TLN2: variants seen among roughly 807,000 people sequenced by gnomAD.
The protein encoded by TLN2 is talin-2.
Under a neutral mutation model 294.7 loss-of-function variants are expected in TLN2, and 118 were observed. The ratio of observed to expected loss-of-function variants is 0.40; its 90% confidence interval spans 0.34 to 0.47. The LOEUF (loss-of-function observed/expected upper bound fraction) is 0.47, where lower values mean the gene tolerates loss of function less well. Among genes scored for constraint, TLN2 ranks in the 20% least tolerant of loss-of-function variants. The probability of loss-of-function intolerance (pLI) is 0.84; values close to 1 mark genes in which losing one functional copy is unlikely to be tolerated. For missense variants in TLN2, 3,083 were observed against 3,282.2 expected (o/e 0.94, Z 1.48); for synonymous variants, 1,431 against 1,304.5 (o/e 1.10, Z -2.09).
At chr15:62,564,956 A>G (rs2043280704) in intron 1 of TLN2, among the ~76,000 whole-genome samples, 1 of 146,948 alleles carries the variant, frequency 6.8e-6, no homozygotes, top group Admixed American at 6.8e-5. Context: ...CATTCCCCCC[A>G]CTGACACACA....
At chr15:62,779,265 G>A (rs533684151) in intron 43 of TLN2, among the ~76,000 whole-genome samples, 20 of 152,206 alleles carry the variant, frequency 1.3e-4, no homozygotes, top group Admixed American at 1.0e-3. Context: ...AAGCTCTCGG[G>A]ACGTTGATTT....
At chr15:62,544,209 T>A (rs1399174049) in intron 1 of TLN2, among the ~76,000 whole-genome samples, 1 of 152,160 alleles carries the variant, frequency 6.6e-6, no homozygotes, top group Non-Finnish European at 1.5e-5. Flanking sequence ...CCAGACCTTT[T>A]AAAAAATATT....
chr15:62,722,623 GC>G, intron 26 of TLN2, 136 bp downstream of exon 26: 1 of 1,165,948 alleles, frequency 8.6e-7, no homozygotes, highest in Non-Finnish European at 1.1e-6. Flanking sequence ...TATTAAAGAT[GC>G]CCCTGTGGGT....
intron 1 of TLN2, among the ~76,000 whole-genome samples, chr15:62,562,590 G>T (rs533254829): frequency 3.3e-5 from 5 of 151,406 alleles, no homozygotes; most frequent in African/African-American, 1.2e-4. Context: ...GTGGTGTTTG[G>T]TTACATGAAT....
intron 1 of TLN2, among the ~76,000 whole-genome samples, chr15:62,497,676 C>T (rs921711836): frequency 2.0e-5 from 3 of 152,194 alleles, no homozygotes; most frequent in African/African-American, 7.2e-5. Flanking sequence ...ATGATTTTTT[C>T]TCCCTGAGGA....
rs748691122 is a variant in TLN2 at position 62,701,192 on chromosome 15, T to C, written c.1674T>C (p.Ala558=). 5 of 1,614,180 alleles carry C rather than the reference T, an allele frequency of 3.1e-6. No homozygotes were observed. The East Asian group carries it at 1.1e-4, about 36-fold the overall frequency. Residue 558 remains alanine, a synonymous_variant, in exon 17 of 59, where the codon GCT becomes GCC. Transcript: ENST00000636159. ...TTGATGCTATCACGGCCGGAACGGC[T>C]TCAGTTGTTAACCTCACAGCTGGTA... ...SQVDAITAGT[A]SVVNLTAGDP...
chr15:62,525,178 C>T (rs1256751778), intron 1 of TLN2, among the ~76,000 whole-genome samples: 1 of 152,204 alleles, frequency 6.6e-6, no homozygotes, highest in Non-Finnish European at 1.5e-5. Flanking sequence ...CTACTCAGAG[C>T]CCTGTGTGCA....
chr15:62,500,679 A>G (rs1161562183), intron 1 of TLN2, among the ~76,000 whole-genome samples: 1 of 152,220 alleles, frequency 6.6e-6, no homozygotes, highest in Non-Finnish European at 1.5e-5. Context: ...AGACCCGAAT[A>G]TCTGCTATGG....
rs773822560 is a variant in TLN2 at position 62,835,637 on chromosome 15, C to T, written c.7129-100C>T. 50 of 1,319,242 alleles carry T rather than the reference C, an allele frequency of 3.8e-5. 1 individual carries two copies. The highest frequency in any genetic ancestry group is 1.9e-4 in the Middle Eastern group (1 of 5,252). 81.7% of individuals were successfully genotyped at this position (1,319,242 alleles called of 1,614,324 possible). On this transcript the variant is annotated intron_variant, in intron 55 of 58. Coordinates refer to ENST00000636159, the MANE Select transcript of TLN2 (RefSeq NM_015059.3). ...TGTGCTGTTGGCAGGAGGCACCAAG[C>T]GGGGTACAAGTCTGGTTCCCGAGCA...
chr15:62,418,117 T>A (rs920862627), intron 1 of TLN2, among the ~76,000 whole-genome samples: 1 of 152,220 alleles, frequency 6.6e-6, no homozygotes, highest in African/African-American at 2.4e-5. Flanking sequence ...ATCTATTAAA[T>A]CCACTTAATA....
Position 62,805,747 on chromosome 15 carries a change from A to G in TLN2, c.6625A>G (p.Ser2209Gly), listed in dbSNP as rs1567646051. ...QEDVIATANLSRKAVSDMLTA... is the reference protein window; with the variant it reads ...QEDVIATANLGRKAVSDMLTA... ...GGACGTGATTGCTACTGCCAACCTG[A>G]GCCGGAAAGCCGTGTCAGATATGTT... The change falls in exon 51 of 59, where the codon AGC becomes GGC. Residue 2209 changes from serine to glycine, a missense_variant. Ser to Gly is a moderately conservative substitution (Grantham distance 56, BLOSUM62 0). Transcript: ENST00000636159. The G allele has an allele frequency of 4.3e-6, 7 of 1,613,930 alleles. No individual in the cohort carries two copies. Among genetic ancestry groups the G allele is most frequent in the Non-Finnish European group, 5.9e-6 (7 of 1,179,960 alleles).
intron 45 of TLN2, chr15:62,784,834 A>G (rs2064505667): frequency 1.3e-5 from 2 of 152,268 alleles, no homozygotes; most frequent in African/African-American, 4.8e-5. Flanking sequence ...TGAGTTGTCA[A>G]GGCAGAAGGT....
intron 54 of TLN2, chr15:62,823,888 C>G (rs377191117): frequency 4.6e-4 from 214 of 469,484 alleles, no homozygotes; most frequent in Non-Finnish European, 5.0e-4. Context: ...CAAAAGTGAC[C>G]ACCCCCTGCA....
chr15:62,559,766 A>G (rs1306474483), intron 1 of TLN2, among the ~76,000 whole-genome samples: 2 of 152,232 alleles, frequency 1.3e-5, no homozygotes, highest in Admixed American at 6.5e-5. Context: ...CTGGGGACTG[A>G]GGCACTGAAG....
intron 54 of TLN2, 37 bp from the exon 55 acceptor site, chr15:62,833,467 A>G (rs767584573): frequency 6.2e-7 from 1 of 1,606,862 alleles, no homozygotes; most frequent in Non-Finnish European, 8.5e-7. Flanking sequence ...CTTTGTGGAT[A>G]TGAATTGAAT....
At chr15:62,801,581 A>C (rs1029063832) in intron 50 of TLN2, among the ~76,000 whole-genome samples, 7 of 152,228 alleles carry the variant, frequency 4.6e-5, no homozygotes, top group African/African-American at 1.4e-4. Flanking sequence ...AAACAATAGT[A>C]GAACAATTTT....
intron 1 of TLN2, among the ~76,000 whole-genome samples, chr15:62,523,768 A>C (rs2040588369): frequency 6.6e-6 from 1 of 152,272 alleles, no homozygotes. Flanking sequence ...CAGTGTACAC[A>C]CCTCAATAAA....
At position 62,739,386 on chromosome 15, in the gene TLN2, T is replaced by C; in HGVS notation, c.3726T>C (p.Ser1242=). 6.2e-7 allele frequency: 1 copy of C among 1,613,852 alleles called. No homozygotes were observed. The highest frequency in any genetic ancestry group is 1.7e-4 in the Middle Eastern group (1 of 6,030). ...PSTKPFQEAQ[S]ELNQAAADLN... is the part of the protein sequence containing the mutation. The stretch of plus-strand genomic sequence containing the variant: ...CGAAGCCTTTCCAGGAAGCCCAGAG[T>C]GAACTGAACCAGGCAGCAGCTGATC... Residue 1242 remains serine, a synonymous_variant, in exon 31 of 59, where the codon AGT becomes AGC. Transcript: ENST00000636159.
At chr15:62,450,543 A>C (rs868572303) in intron 1 of TLN2, among the ~76,000 whole-genome samples, 1 of 55,114 alleles carries the variant, frequency 1.8e-5, no homozygotes, top group African/African-American at 6.1e-5. Flanking sequence ...GTATGTATGT[A>C]TGTATGTGTG....
Sources: allele counts gnomAD v4.1 joint callset (sites outside exome capture counted in the v4.1 genomes callset), GRCh38; gene constraint gnomAD v4.1.1; transcripts MANE v1.5; gene names NCBI Gene and HGNC (gene_info 2026-07-23, HGNC 2026-07-21).